Variants in TFCP2L1 observed in about 807,000 individuals in gnomAD.
TFCP2L1 encodes transcription factor CP2 like 1, also known as transcription factor CP2-like protein 1.
A neutral mutation model predicts 72.2 loss-of-function variants in TFCP2L1; 12 were observed. The observed-to-expected ratio is 0.17, with a 90% CI of 0.11 to 0.27. The LOEUF is 0.27. TFCP2L1 is among the 10% of genes least tolerant of loss of function. TFCP2L1 has a pLI of 1.00. For missense variants in TFCP2L1, 488 were observed against 624.6 expected (o/e 0.78, Z 2.33); for synonymous variants, 260 against 251.0 (o/e 1.04, Z -0.34).
At chr2:121,261,181 G>A (rs1424381724) in intron 2 of TFCP2L1, among the ~76,000 whole-genome samples, 1 of 152,182 alleles carries the variant, frequency 6.6e-6, no homozygotes, top group African/African-American at 2.4e-5. Context: ...TCCTGAGCCT[G>A]ATGGACTATC....
intron 2 of TFCP2L1, among the ~76,000 whole-genome samples, chr2:121,250,678 C>T (rs764017551): frequency 4.1e-4 from 61 of 149,552 alleles, no homozygotes; most frequent in East Asian, 9.9e-4. Context: ...ACGATCTTGG[C>T]TCACTGCAAC....
intron 2 of TFCP2L1, among the ~76,000 whole-genome samples, chr2:121,259,528 A>T (rs1271219709): frequency 6.6e-6 from 1 of 152,238 alleles, no homozygotes; most frequent in Non-Finnish European, 1.5e-5. Flanking sequence ...ATACATACTA[A>T]CCATAATAAC....
chr2:121,230,089 C>T (rs111304072), intron 13 of TFCP2L1, among the ~76,000 whole-genome samples: 44 of 152,292 alleles, frequency 2.9e-4, no homozygotes, highest in Non-Finnish European at 2.8e-4. Flanking sequence ...CAGAAGGGCT[C>T]GGGGTCTGCT....
chr2:121,255,905 G>T (rs978887785), intron 2 of TFCP2L1, among the ~76,000 whole-genome samples: 10 of 152,056 alleles, frequency 6.6e-5, no homozygotes, highest in Non-Finnish European at 1.2e-4. Flanking sequence ...ACCTCGCCCG[G>T]CTAATTTTTT....
chr2:121,232,597 G>A (rs192060621), intron 12 of TFCP2L1, among the ~76,000 whole-genome samples: 1 of 152,342 alleles, frequency 6.6e-6, no homozygotes, highest in Non-Finnish European at 1.5e-5. Context: ...TCAGAAGGAA[G>A]CAACAAATTC....
chr2:121,273,355 GCTCCAGC>G (rs1687083075), intron 2 of TFCP2L1, among the ~76,000 whole-genome samples: 1 of 152,008 alleles, frequency 6.6e-6, no homozygotes, highest in Admixed American at 6.5e-5. Flanking sequence ...CTTCCCTCAG[GCTCCAGC>G]CTTCGGGAAG....
In TFCP2L1 at chr2:121,231,927, G is replaced by T; in HGVS notation, c.1240C>A (p.Leu414Met). 1 of 1,611,842 alleles carries T rather than the reference G, an allele frequency of 6.2e-7. No individual in the cohort carries two copies. The highest frequency in any genetic ancestry group is 8.5e-7 in the Non-Finnish European group (1 of 1,178,578). ...TACAGGTTGGCGATCTTCTCAATCA[G>T]CTCCAAGGTGGTCAGCTCTTCCAGG... is the stretch of plus-strand genomic sequence containing the variant. ...IFLEELTTLE[L>M]IEKIANLYSI... The change falls in exon 13 of 15, where the codon CTG (leucine) becomes ATG (methionine). Residue 414 changes from leucine to methionine, a missense_variant. Leu to Met is a conservative substitution (Grantham distance 15, BLOSUM62 2). Around this residue, in one of 3 missense-constraint regions of TFCP2L1, gnomAD observed 286 missense variants for 329.0 expected, o/e 0.87. Coordinates refer to ENST00000263707, the MANE Select transcript of TFCP2L1 (RefSeq NM_014553.3).
intron 2 of TFCP2L1, among the ~76,000 whole-genome samples, chr2:121,276,182 C>T (rs927502576): frequency 7.2e-5 from 11 of 152,096 alleles, no homozygotes; most frequent in Non-Finnish European, 1.0e-4. Context: ...CCGTAACCTA[C>T]GTTAGGTATT....
intron 13 of TFCP2L1, among the ~76,000 whole-genome samples, chr2:121,230,922 T>C (rs554381680): frequency 2.4e-4 from 36 of 152,242 alleles, no homozygotes; most frequent in African/African-American, 8.2e-4. Context: ...TTCTTTTTAA[T>C]ATAAAAATTT....
chr2:121,243,993 T>A (rs548927437), intron 6 of TFCP2L1, among the ~76,000 whole-genome samples: 1 of 152,170 alleles, frequency 6.6e-6, no homozygotes, highest in South Asian at 2.1e-4. Flanking sequence ...CTGCCCTGGA[T>A]GAAGCAGGGT....
At chr2:121,232,542 G>A (rs1686166577) in intron 12 of TFCP2L1, among the ~76,000 whole-genome samples, 1 of 152,196 alleles carries the variant, frequency 6.6e-6, no homozygotes, top group Admixed American at 6.5e-5. Context: ...ATGGGCTGAA[G>A]GGAGTATCAG....
intron 5 of TFCP2L1, 101 bp from the exon 6 acceptor site, chr2:121,247,071 G>A: frequency 7.0e-7 from 1 of 1,425,990 alleles, no homozygotes; most frequent in Non-Finnish European, 9.6e-7. Context: ...TCCCTGCTTG[G>A]TCAGTGCAGG....
intron 3 of TFCP2L1, 105 bp from the exon 4 acceptor site, chr2:121,249,192 C>T (rs1294734053): frequency 9.6e-6 from 8 of 831,138 alleles, no homozygotes; most frequent in Non-Finnish European, 1.1e-5. Context: ...GAGGCCCCTC[C>T]CCCTGGGGCT....
Position 121,268,800 on chromosome 2 carries a change from T to A in TFCP2L1, c.214+12320A>T, listed in dbSNP as rs1686985006. On this transcript the variant is annotated intron_variant, in intron 2 of 14. Coordinates refer to ENST00000263707, the MANE Select transcript of TFCP2L1 (RefSeq NM_014553.3). ...ATTTGAGGGAATGAGGGAAAGGTGT[T>A]TACTTTAATAACACATACTAGATAC... Among the ~76,000 whole-genome samples the A allele has an allele frequency of 1.3e-5, 2 of 149,254 alleles. 1 individual carries two copies. Among genetic ancestry groups the A allele is most frequent in the South Asian group, 4.3e-4 (2 of 4,604 alleles).
intron 2 of TFCP2L1, among the ~76,000 whole-genome samples, chr2:121,265,782 C>T (rs1026418214): frequency 1.1e-4 from 17 of 152,172 alleles, no homozygotes; most frequent in Non-Finnish European, 2.4e-4. Context: ...CCGTGCCTGG[C>T]CAAGAGTGGC....
chr2:121,257,687 C>T lies in TFCP2L1; in HGVS notation c.215-8040G>A, dbSNP rs187264550. 5.1e-3 allele frequency among the ~76,000 whole-genome samples: 780 copies of T among 152,338 alleles called. 13 individuals are homozygous for T. The highest frequency in any genetic ancestry group is 0.018 in the African/African-American group (745 of 41,576). On this transcript the variant is annotated intron_variant, in intron 2 of 14. Transcript: ENST00000263707. The stretch of plus-strand genomic sequence containing the variant: ...TCTTCAGCTTTGTAGGACATAAGAC[C>T]GCCCACACTATTCAACTCTGCCACT...
In TFCP2L1 at chr2:121,281,006, CG is replaced by C. The variant is rs1687246011; in HGVS notation, c.214+113del. 2.1e-6 allele frequency: 3 copies of C among 1,397,058 alleles called. No homozygotes were observed. The African/African-American group carries it at 4.3e-5, about 20-fold the overall frequency. 86.5% of individuals were successfully genotyped at this position (1,397,058 alleles called of 1,614,324 possible). Reference sequence around the variant, plus strand: ...CTGCACCTGTTCTCTTTCCCGAGCCCGACCTCGCCCGACCTCACCCACCGTA... The same window carrying C: ...CTGCACCTGTTCTCTTTCCCGAGCCCACCTCGCCCGACCTCACCCACCGTA... On this transcript the variant is annotated intron_variant, in intron 2 of 14. Transcript: ENST00000263707.
chr2:121,228,333 C>T (rs992422384), intron 13 of TFCP2L1, among the ~76,000 whole-genome samples: 2 of 152,246 alleles, frequency 1.3e-5, no homozygotes, highest in South Asian at 2.1e-4. Flanking sequence ...TGCAAAGTGA[C>T]AAGCCTTCGG....
rs368461055 is a variant in TFCP2L1, at chr2:121,235,293, A to G, written c.1022T>C (p.Met341Thr). 1.5e-5 allele frequency: 25 copies of G among 1,614,004 alleles called. No individual in the cohort carries two copies. Among genetic ancestry groups the G allele is most frequent in the Non-Finnish European group, 2.0e-5 (24 of 1,180,026 alleles). The change falls in exon 11 of 15, where the codon ATG becomes ACG. Residue 341 changes from methionine (M) to threonine (T), a missense_variant. Transcript: ENST00000263707. Reference sequence around the variant, plus strand: ...GATCTGGACCAAATCATCTCGGGACATCTTCAGCAAGTCAGCACCTAGGCA... The same window carrying G: ...GATCTGGACCAAATCATCTCGGGACGTCTTCAGCAAGTCAGCACCTAGGCA... The part of the protein sequence containing the change: ...ASFSGADLLK[M>T]SRDDLVQICG...
Sources: gnomAD v4.1 joint callset for allele counts (sites outside exome capture counted in the v4.1 genomes callset) on GRCh38, gnomAD v4.1.1 for gene constraint, gnomAD v4.1.1 regional missense constraint, MANE v1.5 for transcripts, NCBI Gene and HGNC (gene_info 2026-07-23, HGNC 2026-07-21) for gene names.